UGT1A8: variants seen among roughly 807,000 people sequenced by gnomAD.
UGT1A8 encodes the protein UDP-glucuronosyltransferase 1A8.
A neutral mutation model predicts 45.3 loss-of-function variants in UGT1A8; 39 were observed. That is an observed-to-expected ratio of 0.86 (90% CI 0.67 to 1.12). UGT1A8 has a LOEUF of 1.12. Ranked by LOEUF, UGT1A8 falls within the 50% of genes most tolerant of loss-of-function variation. The pLI is 0.00. For missense variants in UGT1A8, 719 were observed against 664.9 expected, an observed-to-expected ratio of 1.08 and a Z score of -0.90; for synonymous variants, 275 against 249.2, an observed-to-expected ratio of 1.10 and a Z score of -0.97.
chr2:233,756,397 G>A (rs553407927), intron 1 of UGT1A8: 1 of 151,974 alleles, frequency 6.6e-6, no homozygotes, highest in South Asian at 2.1e-4. Flanking sequence ...TACAGTATTG[G>A]TTTTTTATTT....
intron 1 of UGT1A8, among the ~76,000 whole-genome samples, chr2:233,650,117 C>T (rs1425261592): frequency 3.9e-5 from 6 of 152,116 alleles, no homozygotes; most frequent in Admixed American, 3.9e-4. Flanking sequence ...ATTATAGGCA[C>T]ATGCCACCAC....
rs115332590 is a variant in UGT1A8 at position 233,732,850 on chromosome 2, G to T, written c.856-34184G>T. Among the ~76,000 whole-genome samples the T allele has an allele frequency of 7.9e-3, 1,186 of 150,004 alleles. 18 individuals carry two copies. Among genetic ancestry groups the T allele is most frequent in the African/African-American group, 0.025 (998 of 40,660 alleles). On this transcript the variant is annotated intron_variant, in intron 1 of 4. Coordinates refer to ENST00000373450, the MANE Select transcript of UGT1A8 (RefSeq NM_019076.5). ...AAGTAGTTTTTTCCAATTTTGTGAA[G>T]TCATTGGTAGCTTGATGGGTTTGGC...
In UGT1A8 at chr2:233,767,158, C is replaced by T; in HGVS notation, c.980C>T (p.Pro327Leu). ...MAIADALGKI[P>L]QTVLWRYTGT... Reference sequence around the variant, plus strand: ...ATTGCTGATGCTTTGGGCAAAATCCCTCAGACAGTAAGAAGATTCTATACC... The same window carrying T: ...ATTGCTGATGCTTTGGGCAAAATCCTTCAGACAGTAAGAAGATTCTATACC... Residue 327 changes from proline to leucine, a missense_variant, in exon 2 of 5, where the codon CCT (proline) becomes CTT (leucine). Transcript: ENST00000373450. The T allele has an allele frequency of 6.2e-7, 1 of 1,614,062 alleles. No individual in the cohort carries two copies. Among genetic ancestry groups the T allele is most frequent in the Non-Finnish European group, 8.5e-7 (1 of 1,179,998 alleles).
chr2:233,671,847 G>C, intron 1 of UGT1A8: 1 of 1,494,272 alleles, frequency 6.7e-7, no homozygotes, highest in East Asian at 2.3e-5. Context: ...CCCTCTATTG[G>C]GGTCAGGTTT....
intron 1 of UGT1A8, among the ~76,000 whole-genome samples, chr2:233,720,965 C>T (rs921825655): frequency 2.6e-5 from 4 of 151,612 alleles, no homozygotes; most frequent in Admixed American, 6.6e-5. Flanking sequence ...CCCGCCTCGG[C>T]CTCCCAAAGT....
At chr2:233,735,659 T>C (rs1049518793) in intron 1 of UGT1A8, among the ~76,000 whole-genome samples, 2 of 152,208 alleles carry the variant, frequency 1.3e-5, no homozygotes, top group African/African-American at 2.4e-5. Context: ...TGGTGTTTCT[T>C]TCCATGTTTA....
chr2:233,681,548 A>T (rs1443881334), intron 1 of UGT1A8, among the ~76,000 whole-genome samples: 5 of 151,748 alleles, frequency 3.3e-5, no homozygotes, highest in African/African-American at 9.7e-5. Context: ...AAAAAAAAAA[A>T]AAAAAATTGC....
At chr2:233,739,084 G>A (rs1483024078) in intron 1 of UGT1A8, 1 of 152,248 alleles carries the variant, frequency 6.6e-6, no homozygotes, top group Non-Finnish European at 1.5e-5. Flanking sequence ...TCAAGCCTTG[G>A]CAGCATCGAT....
chr2:233,632,920 G>T (rs1033983362), intron 1 of UGT1A8, among the ~76,000 whole-genome samples: 1 of 152,178 alleles, frequency 6.6e-6, no homozygotes, highest in African/African-American at 2.4e-5. Context: ...AGTTTTCAAA[G>T]GGAATGCTTC....
chr2:233,660,330 T>C (rs949912994), intron 1 of UGT1A8, among the ~76,000 whole-genome samples: 2 of 152,206 alleles, frequency 1.3e-5, no homozygotes, highest in African/African-American at 4.8e-5. Flanking sequence ...CTTGTTCTAA[T>C]GGCTGAATTA....
chr2:233,705,569 G>T (rs1056646360), intron 1 of UGT1A8, among the ~76,000 whole-genome samples: 5 of 152,160 alleles, frequency 3.3e-5, no homozygotes, highest in African/African-American at 1.2e-4. Flanking sequence ...TGTGGCAAGG[G>T]ATAGAAATGG....
intron 1 of UGT1A8, among the ~76,000 whole-genome samples, chr2:233,735,578 G>A (rs576016505): frequency 1.6e-4 from 25 of 152,112 alleles, no homozygotes; most frequent in Non-Finnish European, 2.9e-4. Context: ...TATTTTGCCC[G>A]TTAATTGATG....
At chr2:233,714,225 G>T (rs1207260034) in intron 1 of UGT1A8, among the ~76,000 whole-genome samples, 1 of 152,186 alleles carries the variant, frequency 6.6e-6, no homozygotes, top group Non-Finnish European at 1.5e-5. Flanking sequence ...TTGCTGGCAA[G>T]ATTTTCAGTA....
At chr2:233,724,456 G>A (rs1266099425) in intron 1 of UGT1A8, among the ~76,000 whole-genome samples, 5 of 126,746 alleles carry the variant, frequency 3.9e-5, no homozygotes, top group Admixed American at 7.7e-5. Flanking sequence ...GGCAGCTGCC[G>A]GGCGGAGGGG....
In UGT1A8 at chr2:233,617,797, A is replaced by G. The variant is rs146181115; in HGVS notation, c.90A>G (p.Val30=). The change falls in exon 1 of 5, where the codon GTA becomes GTG. Residue 30 remains valine, a synonymous_variant. Transcript: ENST00000373450. ...CGFAEAGKLL[V]VPMDGSHWFT... is the part of the protein sequence containing the mutation. ...TTGCTGAGGCAGGGAAGCTGCTGGTAGTGCCCATGGATGGGAGTCACTGGT... is the reference window on the plus strand; with the variant it reads ...TTGCTGAGGCAGGGAAGCTGCTGGTGGTGCCCATGGATGGGAGTCACTGGT... 480 of 1,614,030 alleles carry G rather than the reference A, an allele frequency of 3.0e-4. No individual in the cohort carries two copies. Among genetic ancestry groups the G allele is most frequent in the Non-Finnish European group, 3.5e-4 (415 of 1,179,982 alleles).
At chr2:233,749,888 T>C (rs1316797004) in intron 1 of UGT1A8, among the ~76,000 whole-genome samples, 2 of 151,790 alleles carry the variant, frequency 1.3e-5, no homozygotes. Flanking sequence ...TTCCTGAGGC[T>C]CCCCCCTCCA....
chr2:233,637,932 C>T (rs1420334749), intron 1 of UGT1A8, among the ~76,000 whole-genome samples: 6 of 152,106 alleles, frequency 3.9e-5, no homozygotes, highest in Non-Finnish European at 7.4e-5. Flanking sequence ...AAATTCTTTA[C>T]TTTGGATACA....
At chr2:233,648,685 C>T (rs1421961584) in intron 1 of UGT1A8, 4 of 353,834 alleles carry the variant, frequency 1.1e-5, no homozygotes, top group Admixed American at 3.3e-5. Flanking sequence ...AGGATGGTCT[C>T]GATCTCCTAA....
intron 1 of UGT1A8, among the ~76,000 whole-genome samples, chr2:233,666,141 AGAG>A: frequency 6.6e-6 from 1 of 152,232 alleles, no homozygotes; most frequent in Non-Finnish European, 1.5e-5. Flanking sequence ...ACATGGCTAG[AGAG>A]AAGCAAGAGA....
Sources: allele counts gnomAD v4.1 joint callset (sites outside exome capture counted in the v4.1 genomes callset), GRCh38; gene constraint gnomAD v4.1.1; transcripts MANE v1.5; gene names NCBI Gene and HGNC (gene_info 2026-07-23, HGNC 2026-07-21).